RPF2: variants seen among roughly 807,000 people sequenced by gnomAD.
The protein encoded by RPF2 is ribosome production factor 2 homolog, also known as brix domain containing 1.
In RPF2, 21 loss-of-function variants were observed where a neutral mutation model predicts 38.9. The observed-to-expected ratio is 0.54, with a 90% CI of 0.38 to 0.78. The LOEUF (loss-of-function observed/expected upper bound fraction) is 0.78. RPF2 is among the 30% of genes least tolerant of loss of function. RPF2 has a pLI of 0.00. For missense variants in RPF2, 314 were observed against 358.1 expected (o/e 0.88, Z 0.99); for synonymous variants, 121 against 126.2 (o/e 0.96, Z 0.28).
chr6:111,008,905 T>TC, intron 7 of RPF2, among the ~76,000 whole-genome samples: 1 of 112,852 alleles, frequency 8.9e-6, no homozygotes, highest in East Asian at 7.9e-4. Flanking sequence ...CTCCTTTTTT[T>TC]TTTTTTTTTT....
chr6:111,012,498 A>G (rs1772037023), intron 7 of RPF2, among the ~76,000 whole-genome samples: 1 of 151,974 alleles, frequency 6.6e-6, no homozygotes, highest in Admixed American at 6.6e-5. Flanking sequence ...CATATTATAT[A>G]TATGGTTGTT....
chr6:111,017,103 A>C (rs1269056267), intron 8 of RPF2, among the ~76,000 whole-genome samples: 1 of 152,146 alleles, frequency 6.6e-6, no homozygotes, highest in Non-Finnish European at 1.5e-5. Context: ...ACACAGCAAC[A>C]ATCTGATTTC....
chr6:111,015,730 T>G, intron 7 of RPF2, 24 bp from the exon 8 acceptor site: 1 of 1,476,744 alleles, frequency 6.8e-7, no homozygotes, highest in Non-Finnish European at 9.4e-7. Flanking sequence ...TTTGTTTTGT[T>G]AATAATTTAA....
chr6:110,984,282 G>T (rs1229036561), intron 1 of RPF2, among the ~76,000 whole-genome samples: 3 of 152,084 alleles, frequency 2.0e-5, no homozygotes, highest in Non-Finnish European at 2.9e-5. Context: ...TTGATCAGCA[G>T]TTGATGCTCA....
chr6:110,994,366 C>A (rs192839035), intron 4 of RPF2, among the ~76,000 whole-genome samples: 1 of 151,630 alleles, frequency 6.6e-6, no homozygotes, highest in East Asian at 1.9e-4. Context: ...GGGAGGATTG[C>A]GTGGGGCCAG....
intron 6 of RPF2, among the ~76,000 whole-genome samples, chr6:111,002,838 G>C (rs1771833899): frequency 6.6e-6 from 1 of 151,112 alleles, no homozygotes; most frequent in East Asian, 2.0e-4. Flanking sequence ...GCATGATCTC[G>C]GCTCACTACA....
At chr6:111,006,504 T>C (rs1771910473) in intron 6 of RPF2, among the ~76,000 whole-genome samples, 1 of 152,040 alleles carries the variant, frequency 6.6e-6, no homozygotes, top group Non-Finnish European at 1.5e-5. Context: ...CTGAAAGTGG[T>C]GGGATTATAG....
chr6:110,988,977 C>T, intron 2 of RPF2, 51 bp from the exon 3 acceptor site: 2 of 1,570,294 alleles, frequency 1.3e-6, no homozygotes, highest in Non-Finnish European at 1.7e-6. Flanking sequence ...ATTTTTATTT[C>T]TGCTTTTCAG....
intron 1 of RPF2, among the ~76,000 whole-genome samples, chr6:110,983,358 T>C (rs1051654903): frequency 1.3e-5 from 2 of 152,140 alleles, no homozygotes; most frequent in Non-Finnish European, 2.9e-5. Flanking sequence ...AAAATTTGTT[T>C]TTTTTTGAGA....
rs6909298 is a variant in RPF2 at position 110,989,049 on chromosome 6, G to A, written c.178G>A (p.Gly60Ser). 5,944 of 1,581,894 alleles carry A rather than the reference G, an allele frequency of 3.8e-3. 189 individuals carry two copies. In the African/African-American group the frequency reaches 0.074, roughly 20 times the overall value. Residue 60 changes from glycine to serine, a missense_variant, in exon 3 of 10, where the codon GGT becomes AGT. Coordinates refer to ENST00000441448, the MANE Select transcript of RPF2 (RefSeq NM_032194.3). ...KDVYALKKPY[G>S]VLYKKKNITR... is the part of the protein sequence containing the mutation. ...ACAGTATGCACTGAAAAAACCATAC[G>A]GTGTACTATATAAAAAGTAAGTCAT...
chr6:111,007,520 G>A (rs918041915), intron 6 of RPF2, among the ~76,000 whole-genome samples: 3 of 151,656 alleles, frequency 2.0e-5, no homozygotes, highest in African/African-American at 4.8e-5. Context: ...GCAACACAGC[G>A]AGACCCTGTC....
At chr6:110,988,886 T>A (rs771517586) in intron 2 of RPF2, 142 bp from the exon 3 acceptor site, 1 of 1,050,154 alleles carries the variant, frequency 9.5e-7, no homozygotes, top group Non-Finnish European at 1.3e-6. Context: ...CTGTAAGTGA[T>A]GAAAAGGGAG....
Position 110,985,054 on chromosome 6 carries a change from G to A in RPF2, c.72G>A (p.Pro24=), listed in dbSNP as rs370938715. The A allele has an allele frequency of 7.2e-5, 116 of 1,612,686 alleles. No individual in the cohort carries two copies. The highest frequency in any genetic ancestry group is 3.1e-4 in the African/African-American group (23 of 74,950). ...RAKRFLEKRE[P]KLNENIKNAM... is the part of the protein sequence containing the mutation. ...AGAGATTCCTTGAGAAGAGAGAACC[G>A]AAACTCAATGAAAATATTAAAAATG... Residue 24 remains proline, a synonymous_variant, in exon 2 of 10, where the codon CCG becomes CCA. Transcript: ENST00000441448.
chr6:111,006,222 C>T (rs574549498), intron 6 of RPF2, among the ~76,000 whole-genome samples: 6 of 151,738 alleles, frequency 4.0e-5, no homozygotes, highest in African/African-American at 1.2e-4. Flanking sequence ...TAAGCCACCA[C>T]ACCTAGCCTA....
chr6:111,019,251 C>A (rs539555158), intron 8 of RPF2, among the ~76,000 whole-genome samples: 2 of 151,786 alleles, frequency 1.3e-5, no homozygotes, highest in African/African-American at 2.4e-5. Flanking sequence ...TGGTGGCGCA[C>A]GCCTGTAATC....
chr6:111,021,104 G>A (rs1005434446), intron 8 of RPF2, among the ~76,000 whole-genome samples: 2 of 152,156 alleles, frequency 1.3e-5, no homozygotes, highest in African/African-American at 4.8e-5. Flanking sequence ...CGGAGTCGGA[G>A]ATTGCAGCGA....
In RPF2 at chr6:110,982,089, T is replaced by C. The variant is rs769587762; in HGVS notation, c.-18T>C. 6.2e-7 allele frequency: 1 copy of C among 1,614,090 alleles called. No homozygotes were observed. Among genetic ancestry groups the C allele is most frequent in the South Asian group, 1.1e-5 (1 of 91,082 alleles). ...CACGTGCATGCCCCCTGGTTAAGAG[T>C]TGCAGGTAGCGGTAGCGATGGACAC... On this transcript the variant is annotated 5_prime_UTR_variant, in exon 1 of 10. Transcript: ENST00000441448.
chr6:111,023,039 C>T (rs1173634251), intron 8 of RPF2, among the ~76,000 whole-genome samples: 1 of 152,214 alleles, frequency 6.6e-6, no homozygotes, highest in Non-Finnish European at 1.5e-5. Context: ...GCTGGGACTA[C>T]AGGCATGTGC....
chr6:110,999,457 C>A (rs1352505012), intron 5 of RPF2, among the ~76,000 whole-genome samples: 1 of 152,070 alleles, frequency 6.6e-6, no homozygotes, highest in Non-Finnish European at 1.5e-5. Context: ...AGCCCTTTAC[C>A]TTCTGTAGGC....
Sources: allele counts gnomAD v4.1 joint callset (sites outside exome capture counted in the v4.1 genomes callset), GRCh38; gene constraint gnomAD v4.1.1; transcripts MANE v1.5; gene names NCBI Gene and HGNC (gene_info 2026-07-23, HGNC 2026-07-21).